The following KIAA0319L variants were observed in gnomAD, a reference collection of about 807,000 sequenced individuals.
KIAA0319L encodes the protein KIAA0319 like.
A neutral mutation model predicts 120.1 loss-of-function variants in KIAA0319L; 55 were observed. The ratio of observed to expected loss-of-function variants is 0.46; its 90% confidence interval spans 0.37 to 0.57. KIAA0319L has a LOEUF of 0.57. KIAA0319L is among the 20% of genes least tolerant of loss of function. KIAA0319L has a pLI of 0.00. For synonymous variants in KIAA0319L, 398 were observed against 471.9 expected, an observed-to-expected ratio of 0.84 and a Z score of 2.03; for missense variants, 1,049 against 1,255.3, an observed-to-expected ratio of 0.84 and a Z score of 2.48.
Position 35,470,935 on chromosome 1 carries a change from C to T in KIAA0319L, c.1041G>A (p.Gln347=). ...PKGETYTYDW[Q]LITHPRDYSG... ...TGTAGTCTCTAGGATGAGTAATCAG[C>T]TGCCAGTCGTAGGTGTAGGTTTCTC... is the stretch of plus-strand genomic sequence containing the variant. The change falls in exon 6 of 21, where the codon CAG becomes CAA. Residue 347 remains glutamine (Q), a synonymous_variant. Transcript: ENST00000325722. 1 of 1,612,212 alleles carries T rather than the reference C, an allele frequency of 6.2e-7. No homozygotes were observed.
chr1:35,470,363 T>C (rs1635714), intron 6 of KIAA0319L, among the ~76,000 whole-genome samples: 3 of 151,800 alleles, frequency 2.0e-5, no homozygotes, highest in African/African-American at 4.8e-5. Context: ...TATAATGGCA[T>C]GACCCTGCAG....
At chr1:35,520,638 T>C (rs958611912) in intron 2 of KIAA0319L, among the ~76,000 whole-genome samples, 3 of 152,200 alleles carry the variant, frequency 2.0e-5, no homozygotes, top group Non-Finnish European at 4.4e-5. Flanking sequence ...TGCCCTTTAA[T>C]GGTTCTGCTG....
intron 3 of KIAA0319L, among the ~76,000 whole-genome samples, chr1:35,491,605 G>A (rs1570801539): frequency 6.6e-6 from 1 of 151,876 alleles, no homozygotes; most frequent in African/African-American, 2.4e-5. Context: ...GTTTAAACAG[G>A]GAAAATATTA....
At chr1:35,515,194 C>T (rs1165688970) in intron 2 of KIAA0319L, among the ~76,000 whole-genome samples, 1 of 151,956 alleles carries the variant, frequency 6.6e-6, no homozygotes, top group African/African-American at 2.4e-5. Context: ...CACCTGTAAT[C>T]CCAGCTACTT....
chr1:35,524,631 A>G (rs1646049377), intron 2 of KIAA0319L, among the ~76,000 whole-genome samples: 2 of 152,202 alleles, frequency 1.3e-5, no homozygotes, highest in African/African-American at 4.8e-5. Flanking sequence ...TTATCTGACA[A>G]ACTGGATCCT....
At chr1:35,509,536 A>C (rs1360805539) in intron 2 of KIAA0319L, among the ~76,000 whole-genome samples, 2 of 152,258 alleles carry the variant, frequency 1.3e-5, no homozygotes, top group Middle Eastern at 3.2e-3. Context: ...AGCCAAGGAA[A>C]GCCAGGATTG....
intron 2 of KIAA0319L, among the ~76,000 whole-genome samples, chr1:35,525,508 T>A (rs76703887): frequency 0.017 from 2,525 of 152,326 alleles, 68 homozygotes; most frequent in African/African-American, 0.057. Context: ...CTCGCCAGCA[T>A]CTGTTCTTTT....
chr1:35,449,987 CAG>C lies in KIAA0319L; in HGVS notation c.2231_2232del (p.Ser744Ter). The C allele has an allele frequency of 6.2e-7, 1 of 1,614,162 alleles. No individual in the cohort carries two copies. The highest frequency in any genetic ancestry group is 8.5e-7 in the Non-Finnish European group (1 of 1,180,014). On this transcript the variant is annotated frameshift_variant, in exon 15 of 21. Coordinates refer to ENST00000325722, the MANE Select transcript of KIAA0319L (RefSeq NM_024874.5). LOFTEE classifies it high-confidence loss of function. ...GAAAGAAAAAGGATAGGGTGATGGT[CAG>C]AGTGATTTAACACCTCCTGTAGGGT... ...SPAAGEVLNH[S>X]DHHPILFLSN...
At chr1:35,511,367 T>TATGAATGTA (rs1645438522) in intron 2 of KIAA0319L, 2 of 152,330 alleles carry the variant, frequency 1.3e-5, no homozygotes, top group African/African-American at 4.8e-5. Flanking sequence ...ATCCATATCT[T>TATGAATGTA]ATGAATGTAA....
intron 2 of KIAA0319L, among the ~76,000 whole-genome samples, chr1:35,518,018 A>T (rs1244466842): frequency 2.0e-5 from 3 of 152,244 alleles, no homozygotes; most frequent in African/African-American, 7.2e-5. Flanking sequence ...CCACAATGAG[A>T]TACTATCTCA....
chr1:35,527,908 CT>C (rs1646215112), intron 2 of KIAA0319L, among the ~76,000 whole-genome samples: 2 of 151,222 alleles, frequency 1.3e-5, no homozygotes, highest in African/African-American at 4.9e-5. Context: ...TTCCTTCCTT[CT>C]ACTAATTTTG....
chr1:35,443,940 C>CA, intron 17 of KIAA0319L: 4 of 388,460 alleles, frequency 1.0e-5, no homozygotes, highest in Non-Finnish European at 1.4e-5. Flanking sequence ...TTTCCCCACT[C>CA]AAGCTCACAG....
At chr1:35,447,673 G>T (rs968351937) in intron 16 of KIAA0319L, among the ~76,000 whole-genome samples, 12 of 151,162 alleles carry the variant, frequency 7.9e-5, no homozygotes, top group Non-Finnish European at 1.6e-4. Context: ...CTGGGCTCAA[G>T]TAATTCTCCT....
chr1:35,557,486 G>A (rs566567209), upstream of KIAA0319L: 384 of 356,812 alleles, frequency 1.1e-3, 3 homozygotes, highest in South Asian at 7.2e-3. Flanking sequence ...CCCCCGGGAA[G>A]GGCAATGCCG....
chr1:35,444,294 C>A lies in KIAA0319L; in HGVS notation c.2523G>T (p.Met841Ile). 2 of 1,605,684 alleles carry A rather than the reference C, an allele frequency of 1.2e-6. No individual in the cohort carries two copies. The highest frequency in any genetic ancestry group is 2.7e-5 in the African/African-American group (2 of 74,654). The change falls in exon 17 of 21, where the codon ATG (methionine) becomes ATT (isoleucine). Residue 841 changes from methionine (M) to isoleucine (I), a missense_variant. Coordinates refer to ENST00000325722, the MANE Select transcript of KIAA0319L (RefSeq NM_024874.5). ...GAGGCTCGTTTTGAACAAAAAATAC[C>A]ATTTTGGTGCTGCAGAGACATGCAA... ...IQPYTEQSTK[M>I]VFFVQNEPPH...
chr1:35,457,446 T>C (rs1642558215), intron 9 of KIAA0319L, among the ~76,000 whole-genome samples: 1 of 144,972 alleles, frequency 6.9e-6, no homozygotes, highest in Non-Finnish European at 1.5e-5. Context: ...GAAAATGAAT[T>C]CTCCTACGCA....
chr1:35,499,567 A>G (rs1341101223), intron 3 of KIAA0319L, among the ~76,000 whole-genome samples: 1 of 152,166 alleles, frequency 6.6e-6, no homozygotes, highest in Non-Finnish European at 1.5e-5. Flanking sequence ...CAGCAGCCTC[A>G]ATGAATTAAG....
intron 2 of KIAA0319L, among the ~76,000 whole-genome samples, chr1:35,551,438 C>T (rs1647195765): frequency 6.6e-6 from 1 of 152,170 alleles, no homozygotes; most frequent in Admixed American, 6.5e-5. Context: ...CTGCCTCAGC[C>T]TCCTGAGTAG....
chr1:35,470,663 G>A (rs1643567958), intron 6 of KIAA0319L, among the ~76,000 whole-genome samples, 200 bp downstream of exon 6: 1 of 152,088 alleles, frequency 6.6e-6, no homozygotes, highest in South Asian at 2.1e-4. Context: ...TACCATGCTG[G>A]TACAGTCTTC....
Sources: gnomAD v4.1 joint callset for allele counts (sites outside exome capture counted in the v4.1 genomes callset) on GRCh38, gnomAD v4.1.1 for gene constraint, MANE v1.5 for transcripts, NCBI Gene and HGNC (gene_info 2026-07-23, HGNC 2026-07-21) for gene names.